The following CRYL1 variants were observed in gnomAD, a reference collection of about 807,000 sequenced individuals.
CRYL1 encodes lambda-crystallin homolog.
CRYL1 carries 29 observed loss-of-function variants against 36.6 expected under a neutral mutation model. The ratio of observed to expected loss-of-function variants is 0.79; its 90% confidence interval spans 0.59 to 1.08. The LOEUF (loss-of-function observed/expected upper bound fraction) is 1.08, where lower values mean the gene tolerates loss of function less well. CRYL1 is among the 50% of genes least tolerant of loss of function. The pLI, the probability that CRYL1 is intolerant of heterozygous loss-of-function variation, is 0.00. For synonymous variants in CRYL1, 152 were observed against 151.5 expected (o/e 1.00, Z -0.02); for missense variants, 411 against 407.9 (o/e 1.01, Z -0.06).
chr13:20,427,088 C>G, intron 5 of CRYL1: 1 of 985,506 alleles, frequency 1.0e-6, no homozygotes, highest in Non-Finnish European at 1.2e-6. Context: ...ACAAACTTAG[C>G]TACTGTCCAG....
At chr13:20,521,071 C>A (rs1250461883) in intron 1 of CRYL1, among the ~76,000 whole-genome samples, 2 of 133,200 alleles carry the variant, frequency 1.5e-5, no homozygotes, top group African/African-American at 5.7e-5. Context: ...CCACTGCACT[C>A]CAGCCTGGGT....
At chr13:20,465,396 A>T (rs2032912011) in intron 3 of CRYL1, among the ~76,000 whole-genome samples, 1 of 152,194 alleles carries the variant, frequency 6.6e-6, no homozygotes, top group African/African-American at 2.4e-5. Context: ...TTAAGCAATG[A>T]ACCGAAACAC....
At chr13:20,414,555 C>T (rs1409071055) in intron 5 of CRYL1, among the ~76,000 whole-genome samples, 8 of 152,194 alleles carry the variant, frequency 5.3e-5, no homozygotes, top group Non-Finnish European at 1.0e-4. Context: ...CTTCACATGC[C>T]TGCAAGTCCG....
intron 3 of CRYL1, among the ~76,000 whole-genome samples, chr13:20,449,360 G>T (rs1480277541): frequency 1.3e-5 from 2 of 152,088 alleles, no homozygotes; most frequent in African/African-American, 4.8e-5. Flanking sequence ...AAAGATGTAT[G>T]CTTTAAATCC....
At chr13:20,493,242 G>C (rs556539602) in intron 2 of CRYL1, among the ~76,000 whole-genome samples, 12 of 152,350 alleles carry the variant, frequency 7.9e-5, no homozygotes, top group Non-Finnish European at 1.5e-4. Flanking sequence ...TTACTACCAT[G>C]ACTTCCACGG....
chr13:20,438,162 C>T (rs1461020398), intron 4 of CRYL1, among the ~76,000 whole-genome samples: 2 of 152,178 alleles, frequency 1.3e-5, no homozygotes, highest in East Asian at 3.9e-4. Flanking sequence ...TGTCCCAGGA[C>T]CATGCAGCTA....
intron 1 of CRYL1, among the ~76,000 whole-genome samples, chr13:20,517,221 CA>C (rs1341488618): frequency 1.3e-5 from 2 of 152,204 alleles, no homozygotes; most frequent in Non-Finnish European, 2.9e-5. Context: ...GAGACAGGAG[CA>C]GATGACAAAT....
At chr13:20,480,534 A>G (rs2033255001) in intron 3 of CRYL1, among the ~76,000 whole-genome samples, 3 of 152,252 alleles carry the variant, frequency 2.0e-5, no homozygotes. Flanking sequence ...GCCTTCTAAC[A>G]TTCTGCTCCA....
chr13:20,442,329 G>A (rs1009173070), intron 3 of CRYL1, among the ~76,000 whole-genome samples: 3 of 152,212 alleles, frequency 2.0e-5, no homozygotes, highest in African/African-American at 7.2e-5. Context: ...AGTTGTTGCT[G>A]TTTTTAAGAG....
chr13:20,491,256 A>T (rs1357351043), intron 2 of CRYL1, among the ~76,000 whole-genome samples: 1 of 151,238 alleles, frequency 6.6e-6, no homozygotes. Context: ...TTTTTCTCAT[A>T]TAAGTAATTT....
At chr13:20,524,395 C>T (rs1415286347) in intron 1 of CRYL1, among the ~76,000 whole-genome samples, 1 of 149,894 alleles carries the variant, frequency 6.7e-6, no homozygotes, top group African/African-American at 2.5e-5. Context: ...TTTTTTTTTT[C>T]AGACGGAGTT....
chr13:20,484,359 A>T (rs2033352637), intron 3 of CRYL1, among the ~76,000 whole-genome samples: 1 of 152,216 alleles, frequency 6.6e-6, no homozygotes, highest in African/African-American at 2.4e-5. Flanking sequence ...TGGGAACCTC[A>T]GCTTTAATGG....
At chr13:20,467,941 C>T (rs1247249803) in intron 3 of CRYL1, among the ~76,000 whole-genome samples, 1 of 152,188 alleles carries the variant, frequency 6.6e-6, no homozygotes, top group Non-Finnish European at 1.5e-5. Flanking sequence ...TGGATTCTCA[C>T]AGGAGCGCAA....
chr13:20,433,170 C>T (rs770677142), intron 4 of CRYL1, among the ~76,000 whole-genome samples: 6 of 152,186 alleles, frequency 3.9e-5, no homozygotes, highest in Non-Finnish European at 7.3e-5. Context: ...AGCACCCCGA[C>T]GAGCCCAACA....
At chr13:20,405,388 A>G (rs955133560) in intron 6 of CRYL1, among the ~76,000 whole-genome samples, 1 of 152,214 alleles carries the variant, frequency 6.6e-6, no homozygotes, top group Non-Finnish European at 1.5e-5. Flanking sequence ...TATCACAGTA[A>G]GTCCTAATGT....
chr13:20,466,710 G>GTGTGTGTGAGTGTGTAGT (rs2032942357), intron 3 of CRYL1, among the ~76,000 whole-genome samples: 1 of 151,838 alleles, frequency 6.6e-6, no homozygotes. Flanking sequence ...GTGTGTGTGT[G>GTGTGTGTGAGTGTGTAGT]TAGTTGAAGT....
At chr13:20,508,887 A>ACAAACAAAAAAG (rs2033860243) in intron 2 of CRYL1, among the ~76,000 whole-genome samples, 2 of 126,988 alleles carry the variant, frequency 1.6e-5, no homozygotes, top group Admixed American at 8.2e-5. Context: ...AAAAAAAAAA[A>ACAAACAAAAAAG]ACTGACAACA....
chr13:20,500,378 T>C (rs2033681833), intron 2 of CRYL1, among the ~76,000 whole-genome samples: 1 of 152,042 alleles, frequency 6.6e-6, no homozygotes, highest in Non-Finnish European at 1.5e-5. Context: ...TTTGTTTGCA[T>C]ACAGTTAATA....
chr13:20,422,452 A>T (rs1466243464), intron 5 of CRYL1, among the ~76,000 whole-genome samples: 1 of 152,130 alleles, frequency 6.6e-6, no homozygotes. Context: ...GGCAGTTGAC[A>T]TTATCCCTGC....
Sources: gnomAD v4.1 joint callset for allele counts (sites outside exome capture counted in the v4.1 genomes callset) on GRCh38, gnomAD v4.1.1 for gene constraint, MANE v1.5 for transcripts, NCBI Gene and HGNC (gene_info 2026-07-23, HGNC 2026-07-21) for gene names.